MAP3K7CL: variants seen among roughly 807,000 people sequenced by gnomAD.
MAP3K7CL encodes the protein MAP3K7 C-terminal like.
A neutral mutation model predicts 18.6 loss-of-function variants in MAP3K7CL; 16 were observed. That is an observed-to-expected ratio of 0.86 (90% CI 0.58 to 1.31). The LOEUF is 1.31. MAP3K7CL is among the 50% of genes most tolerant of loss of function. The pLI is 0.00. For missense variants in MAP3K7CL, 163 were observed against 174.4 expected (o/e 0.93, Z 0.37); for synonymous variants, 65 against 66.8 (o/e 0.97, Z 0.13).
intron 4 of MAP3K7CL, among the ~76,000 whole-genome samples, chr21:29,101,777 G>T (rs975347265): frequency 1.3e-5 from 2 of 152,108 alleles, no homozygotes; most frequent in Non-Finnish European, 2.9e-5. Flanking sequence ...TCTTGATTAT[G>T]TGTCAGTAAA....
intron 2 of MAP3K7CL, among the ~76,000 whole-genome samples, chr21:29,138,174 T>C (rs373028547): frequency 6.6e-6 from 1 of 152,250 alleles, no homozygotes; most frequent in East Asian, 1.9e-4. Context: ...AGAACACAAA[T>C]ATATATATAT....
At chr21:29,119,661 A>AC (rs1335378268) in intron 4 of MAP3K7CL, among the ~76,000 whole-genome samples, 4 of 113,204 alleles carry the variant, frequency 3.5e-5, no homozygotes, top group Non-Finnish European at 5.6e-5. Flanking sequence ...TAATCCTAAA[A>AC]CTTTTTTTTT....
At chr21:29,085,783 T>C (rs767837114), upstream of MAP3K7CL, 15 of 1,449,584 alleles carry the variant, frequency 1.0e-5, no homozygotes, top group Non-Finnish European at 1.5e-5. Flanking sequence ...ATGGCTTTGA[T>C]GCAGAATCAT....
At chr21:29,143,666 G>A (rs1012590407) in intron 2 of MAP3K7CL, among the ~76,000 whole-genome samples, 5 of 151,868 alleles carry the variant, frequency 3.3e-5, no homozygotes, top group Non-Finnish European at 5.9e-5. Context: ...CAGGTGATCC[G>A]CCCACCTCGG....
At chr21:29,164,566 T>G (rs1269061502) in intron 4 of MAP3K7CL, among the ~76,000 whole-genome samples, 1 of 152,188 alleles carries the variant, frequency 6.6e-6, no homozygotes, top group Non-Finnish European at 1.5e-5. Flanking sequence ...TTGGGAGAAT[T>G]TGTCTTAAGA....
At chr21:29,148,086 C>A (rs1480628872) in intron 2 of MAP3K7CL, among the ~76,000 whole-genome samples, 1 of 151,432 alleles carries the variant, frequency 6.6e-6, no homozygotes, top group African/African-American at 2.4e-5. Context: ...TGCTATATCT[C>A]TATTATATAT....
rs1347495631 is a variant in MAP3K7CL, at chr21:29,174,739, G to A, written c.276G>A (p.Gln92=). ...RKKELIAKLD[Q]AEKEKVDAAE... ...AGGAGCTCATTGCCAAGTTAGATCA[G>A]GCAGAAAAGGAGAAGGTGGATGCTG... Residue 92 remains glutamine (Q), a synonymous_variant, in exon 5 of 5, where the codon CAG becomes CAA. Coordinates refer to ENST00000399928, the MANE Select transcript of MAP3K7CL (RefSeq NM_001286620.2). The A allele has an allele frequency of 6.2e-7, 1 of 1,614,136 alleles. No homozygotes were observed. The highest frequency in any genetic ancestry group is 2.2e-5 in the East Asian group (1 of 44,878).
At chr21:29,127,220 GT>G (rs1482569265), upstream of MAP3K7CL, among the ~76,000 whole-genome samples, 1 of 152,208 alleles carries the variant, frequency 6.6e-6, no homozygotes, top group Non-Finnish European at 1.5e-5. Flanking sequence ...AGCTCAGTAT[GT>G]GAAAAGCTCC....
intron 4 of MAP3K7CL, among the ~76,000 whole-genome samples, chr21:29,117,549 A>T (rs1340123704): frequency 6.6e-6 from 1 of 152,262 alleles, no homozygotes; most frequent in African/African-American, 2.4e-5. Flanking sequence ...AGGAAAATTG[A>T]CAGGTGCCTT....
chr21:29,118,786 C>T (rs1219147795), intron 4 of MAP3K7CL, among the ~76,000 whole-genome samples: 1 of 152,202 alleles, frequency 6.6e-6, no homozygotes, highest in Non-Finnish European at 1.5e-5. Flanking sequence ...AAACTAAAGA[C>T]GTGATTCTTT....
At chr21:29,149,147 AAG>A in intron 2 of MAP3K7CL, 40 bp from the exon 3 acceptor site, 1 of 1,559,240 alleles carries the variant, frequency 6.4e-7, no homozygotes, top group South Asian at 1.1e-5. Flanking sequence ...TCCTACAAGA[AAG>A]AGCTCCATAG....
intron 4 of MAP3K7CL, among the ~76,000 whole-genome samples, chr21:29,099,507 T>A (rs577760409): frequency 6.6e-6 from 1 of 152,086 alleles, no homozygotes; most frequent in East Asian, 1.9e-4. Flanking sequence ...AAATAAAACA[T>A]CTCAATATAT....
intron 4 of MAP3K7CL, among the ~76,000 whole-genome samples, chr21:29,167,899 C>T (rs1448229081): frequency 6.6e-6 from 1 of 151,850 alleles, no homozygotes; most frequent in African/African-American, 2.4e-5. Context: ...TGGGGTTTCG[C>T]CATGTTAGCC....
intron 1 of MAP3K7CL, among the ~76,000 whole-genome samples, chr21:29,090,007 T>C (rs544870756): frequency 6.6e-5 from 10 of 152,288 alleles, no homozygotes; most frequent in South Asian, 6.2e-4. Context: ...CCTAATAATT[T>C]TGATACTATT....
chr21:29,170,769 G>A (rs2087807132), intron 4 of MAP3K7CL, among the ~76,000 whole-genome samples: 1 of 151,932 alleles, frequency 6.6e-6, no homozygotes, highest in African/African-American at 2.4e-5. Context: ...CTCCCGAGTA[G>A]CTGGGATTAC....
At chr21:29,143,210 T>TG (rs2087047211) in intron 2 of MAP3K7CL, among the ~76,000 whole-genome samples, 1 of 151,420 alleles carries the variant, frequency 6.6e-6, no homozygotes, top group African/African-American at 2.4e-5. Context: ...AAATTAAGCG[T>TG]GGGGCCCGTC....
chr21:29,174,765 C>G lies in MAP3K7CL; in HGVS notation c.302C>G (p.Ala101Gly). Reference protein sequence around the residue: ...DQAEKEKVDAAELVREFEALT... With the variant: ...DQAEKEKVDAGELVREFEALT... ...GCAGAAAAGGAGAAGGTGGATGCTG[C>G]TGAGCTGGTTCGGGAATTCGAGGCT... Residue 101 changes from alanine (A) to glycine (G), a missense_variant, in exon 5 of 5, where the codon GCT becomes GGT. Coordinates refer to ENST00000399928, the MANE Select transcript of MAP3K7CL (RefSeq NM_001286620.2). 1 of 1,614,158 alleles carries G rather than the reference C, an allele frequency of 6.2e-7. No homozygotes were observed. Among genetic ancestry groups the G allele is most frequent in the Non-Finnish European group, 8.5e-7 (1 of 1,180,004 alleles).
chr21:29,077,178 T>G (rs185608883), upstream of MAP3K7CL, among the ~76,000 whole-genome samples: 3 of 152,326 alleles, frequency 2.0e-5, no homozygotes, highest in Non-Finnish European at 4.4e-5. Context: ...TGCTTGCCAG[T>G]CCGCCGCCGT....
chr21:29,099,354 C>G (rs921138818), intron 4 of MAP3K7CL, among the ~76,000 whole-genome samples: 1 of 147,562 alleles, frequency 6.8e-6, no homozygotes, highest in Non-Finnish European at 1.5e-5. Context: ...ATTTTCCTGC[C>G]TTGGTCTCCC....
Sources: gnomAD v4.1 joint callset for allele counts (sites outside exome capture counted in the v4.1 genomes callset) on GRCh38, gnomAD v4.1.1 for gene constraint, MANE v1.5 for transcripts, NCBI Gene and HGNC (gene_info 2026-07-23, HGNC 2026-07-21) for gene names.